Variants in CDX1 observed in about 807,000 individuals in gnomAD.
CDX1 encodes the protein homeobox protein CDX-1.
A neutral mutation model predicts 16.9 loss-of-function variants in CDX1; 9 were observed. The observed-to-expected ratio is 0.53, with a 90% CI of 0.32 to 0.93. The LOEUF (loss-of-function observed/expected upper bound fraction) is 0.93. Ranked by LOEUF, CDX1 falls within the 40% of genes least tolerant of loss-of-function variation. CDX1 has a pLI of 0.04. For synonymous variants in CDX1, 179 were observed against 179.0 expected, an observed-to-expected ratio of 1.00 and a Z score of 0.00; for missense variants, 393 against 386.1, an observed-to-expected ratio of 1.02 and a Z score of -0.15.
At position 150,183,702 on chromosome 5, in the gene CDX1, C is replaced by G. The variant is rs766624791; in HGVS notation, c.*22C>G. On this transcript the variant is annotated 3_prime_UTR_variant, in exon 3 of 3. Coordinates refer to ENST00000231656, the MANE Select transcript of CDX1 (RefSeq NM_001804.3). ...ATAGCCCCATGCCCAGCCTGTGCGC[C>G]GGGGGACCTGGGGACTCGGGTGCTG... 15 of 1,511,274 alleles carry G rather than the reference C, an allele frequency of 9.9e-6. No homozygotes were observed. The highest frequency in any genetic ancestry group is 1.2e-5 in the Non-Finnish European group (14 of 1,124,810). 93.6% of individuals were successfully genotyped at this position (1,511,274 alleles called of 1,614,324 possible).
At chr5:150,178,623 G>C (rs1761600737) in intron 1 of CDX1, among the ~76,000 whole-genome samples, 1 of 152,114 alleles carries the variant, frequency 6.6e-6, no homozygotes, top group African/African-American at 2.4e-5. Flanking sequence ...AGGGCTCCTG[G>C]GGCTGTCATT....
At chr5:150,176,947 A>AG (rs1345671299) in intron 1 of CDX1, among the ~76,000 whole-genome samples, 4 of 152,258 alleles carry the variant, frequency 2.6e-5, no homozygotes, top group African/African-American at 9.6e-5. Flanking sequence ...TGGACCACCC[A>AG]GGGAGGAGTC....
At chr5:150,172,664 G>A (rs963055699) in intron 1 of CDX1, among the ~76,000 whole-genome samples, 7 of 152,182 alleles carry the variant, frequency 4.6e-5, no homozygotes, top group Admixed American at 4.6e-4. Context: ...AGAGGCTGGG[G>A]GAGGAGGGGG....
At chr5:150,177,119 C>T (rs567765974) in intron 1 of CDX1, among the ~76,000 whole-genome samples, 1 of 152,386 alleles carries the variant, frequency 6.6e-6, no homozygotes, top group Admixed American at 6.5e-5. Flanking sequence ...TTGCCTGGCC[C>T]AGGCTGGATG....
intron 1 of CDX1, among the ~76,000 whole-genome samples, chr5:150,170,167 G>GGAAAGCTCTTTCCCCT (rs780566782): frequency 1.3e-5 from 2 of 152,130 alleles, no homozygotes; most frequent in African/African-American, 2.4e-5. Flanking sequence ...CTCTCTTCCA[G>GGAAAGCTCTTTCCCCT]GAAAGCTCTT....
intron 1 of CDX1, among the ~76,000 whole-genome samples, chr5:150,174,886 C>T (rs1265474683): frequency 2.0e-5 from 3 of 151,922 alleles, no homozygotes; most frequent in Admixed American, 2.0e-4. Flanking sequence ...AAGCGATTCT[C>T]CTGCCTCAGC....
At chr5:150,170,450 G>A (rs957710771) in intron 1 of CDX1, among the ~76,000 whole-genome samples, 2 of 152,200 alleles carry the variant, frequency 1.3e-5, no homozygotes, top group African/African-American at 4.8e-5. Context: ...CATTTAGTAG[G>A]TGCTCAATAT....
chr5:150,167,744 G>A (rs1462656250), intron 1 of CDX1, among the ~76,000 whole-genome samples: 1 of 152,252 alleles, frequency 6.6e-6, no homozygotes, highest in Non-Finnish European at 1.5e-5. Flanking sequence ...TTAACTAACT[G>A]TGTGAACAGG....
Position 150,170,403 on chromosome 5 carries a change from C to T in CDX1, c.445+3082C>T, listed in dbSNP as rs145760806. 6.6e-3 allele frequency among the ~76,000 whole-genome samples: 1,011 copies of T among 152,350 alleles called. 8 individuals carry two copies. Among genetic ancestry groups the T allele is most frequent in the Non-Finnish European group, 0.01 (691 of 68,032 alleles). ...GAGGTCCAGAACTATGTCTGCTTAA[C>T]CCACTACTGCATCCTGGCACCCAGC... On this transcript the variant is annotated intron_variant, in intron 1 of 2. Transcript: ENST00000231656.
intron 1 of CDX1, among the ~76,000 whole-genome samples, chr5:150,180,029 C>A (rs899341538): frequency 6.6e-6 from 1 of 152,238 alleles, no homozygotes; most frequent in Non-Finnish European, 1.5e-5. Context: ...GCTCACCAGG[C>A]CTCTTCTTTG....
At position 150,183,755 on chromosome 5, in the gene CDX1, G is replaced by T; in HGVS notation, c.*75G>T. ...AGTGTGGCTCCTGTGGGCCCAGGAG[G>T]TCTGGTCCGAGTCTCAGCCCTGACC... On this transcript the variant is annotated 3_prime_UTR_variant, in exon 3 of 3. Transcript: ENST00000231656. The T allele has an allele frequency of 7.9e-7, 1 of 1,259,812 alleles. No individual in the cohort carries two copies. 78.0% of individuals were successfully genotyped at this position (1,259,812 alleles called of 1,614,324 possible).
intron 2 of CDX1, 122 bp from the exon 3 acceptor site, chr5:150,183,352 A>C: frequency 1.2e-6 from 1 of 828,588 alleles, no homozygotes; most frequent in Non-Finnish European, 1.8e-6. Context: ...GAGGCTGGAG[A>C]GGAGATAAGC....
At chr5:150,182,360 G>A (rs1752463571) in intron 1 of CDX1, among the ~76,000 whole-genome samples, 1 of 152,206 alleles carries the variant, frequency 6.6e-6, no homozygotes, top group Non-Finnish European at 1.5e-5. Context: ...CCCAGAACCT[G>A]TGTTCTTCAC....
Position 150,183,586 on chromosome 5 carries a change from C to T in CDX1, c.704C>T (p.Pro235Leu). Residue 235 changes from proline (P) to leucine (L), a missense_variant, in exon 3 of 3, where the codon CCA becomes CTA. Physicochemically the swap from Pro to Leu is moderately conservative, Grantham distance 98. Coordinates refer to ENST00000231656, the MANE Select transcript of CDX1 (RefSeq NM_001804.3). ...ATGGCCCACGACATCACGGCCACCC[C>T]AGCCGGGCCATCCCTGGGGGGCCTG... ...PPMAHDITAT[P>L]AGPSLGGLCP... is the part of the protein sequence containing the mutation. The T allele has an allele frequency of 6.2e-7, 1 of 1,611,078 alleles. No individual in the cohort carries two copies. Among genetic ancestry groups the T allele is most frequent in the Non-Finnish European group, 8.5e-7 (1 of 1,177,934 alleles).
At chr5:150,174,794 G>A (rs747270463) in intron 1 of CDX1, among the ~76,000 whole-genome samples, 7 of 132,958 alleles carry the variant, frequency 5.3e-5, no homozygotes, top group Non-Finnish European at 9.5e-5. Flanking sequence ...TTTTTTTCCT[G>A]AGATGGAGTT....
intron 1 of CDX1, among the ~76,000 whole-genome samples, chr5:150,176,088 C>T (rs892231417): frequency 6.6e-6 from 1 of 152,156 alleles, no homozygotes; most frequent in Non-Finnish European, 1.5e-5. Flanking sequence ...GAAGCTCGCC[C>T]CAAACACCCA....
chr5:150,167,197 C>T lies in CDX1; in HGVS notation c.321C>T (p.Pro107=), dbSNP rs1247367359. ...GCCCGGTGCCGGCGCCCCCTGGGCC[C>T]GGCCCGGGCCTCCTGGCGCAGCCCC... ...DFSPVPAPPG[P]GPGLLAQPLG... is the part of the protein sequence containing the mutation. The change falls in exon 1 of 3, where the codon CCC becomes CCT. Residue 107 remains proline, a synonymous_variant. Transcript: ENST00000231656. 2 of 1,265,270 alleles carry T rather than the reference C, an allele frequency of 1.6e-6. No homozygotes were observed. Among genetic ancestry groups the T allele is most frequent in the African/African-American group, 1.6e-5 (1 of 64,276 alleles). The allele number at this position is 1,265,270 out of a possible 1,614,324, so 78.4% of individuals were successfully genotyped here.
chr5:150,172,821 GC>G (rs768295450), intron 1 of CDX1, among the ~76,000 whole-genome samples: 4 of 152,242 alleles, frequency 2.6e-5, no homozygotes, highest in Non-Finnish European at 5.9e-5. Context: ...TCTCCCTGCT[GC>G]TTTGGCAGAT....
At chr5:150,178,017 C>A (rs1372637695) in intron 1 of CDX1, among the ~76,000 whole-genome samples, 2 of 152,188 alleles carry the variant, frequency 1.3e-5, no homozygotes, top group African/African-American at 4.8e-5. Flanking sequence ...CCCAACCAAC[C>A]ACACGTTAGG....
Sources: allele counts gnomAD v4.1 joint callset (sites outside exome capture counted in the v4.1 genomes callset), GRCh38; gene constraint gnomAD v4.1.1; transcripts MANE v1.5; gene names NCBI Gene and HGNC (gene_info 2026-07-23, HGNC 2026-07-21).